Variants in VPS13B observed in about 807,000 individuals in gnomAD.
The protein encoded by VPS13B is intermembrane lipid transfer protein VPS13B.
Under a neutral mutation model 426.4 loss-of-function variants are expected in VPS13B, and 285 were observed. The observed-to-expected ratio is 0.67, with a 90% CI of 0.61 to 0.74. VPS13B has a LOEUF of 0.74. VPS13B is among the 30% of genes least tolerant of loss of function. VPS13B has a pLI of 0.00. For missense variants in VPS13B, 4,537 were observed against 4,782.6 expected, an observed-to-expected ratio of 0.95 and a Z score of 1.51; for synonymous variants, 1,676 against 1,676.4, an observed-to-expected ratio of 1.00 and a Z score of 0.01.
chr8:99,161,712 G>A (rs569877929), intron 15 of VPS13B, among the ~76,000 whole-genome samples: 1 of 150,588 alleles, frequency 6.6e-6, no homozygotes, highest in Admixed American at 6.6e-5. Flanking sequence ...ACCATTCCCT[G>A]GTGTTAAGTG....
chr8:99,596,811 G>A (rs1412972660), intron 33 of VPS13B, among the ~76,000 whole-genome samples: 1 of 152,058 alleles, frequency 6.6e-6, no homozygotes, highest in South Asian at 2.1e-4. Flanking sequence ...CATGTGCCCT[G>A]CTAAAAATTG....
chr8:99,044,432 T>TGTG (rs201119948), intron 3 of VPS13B, among the ~76,000 whole-genome samples: 4 of 132,502 alleles, frequency 3.0e-5, no homozygotes, highest in Non-Finnish European at 6.7e-5. Context: ...GTGTGTGTGT[T>TGTG]TTTTTAATTG....
intron 23 of VPS13B, among the ~76,000 whole-genome samples, chr8:99,450,581 C>T (rs1345609730): frequency 1.3e-5 from 2 of 152,066 alleles, no homozygotes; most frequent in Admixed American, 6.6e-5. Context: ...GGCATGGTGG[C>T]GTGCGCCTGT....
intron 40 of VPS13B, among the ~76,000 whole-genome samples, chr8:99,771,116 A>G (rs1341420351): frequency 6.6e-6 from 1 of 152,220 alleles, no homozygotes; most frequent in Non-Finnish European, 1.5e-5. Flanking sequence ...AAGTCACACA[A>G]ATTACAGACA....
intron 39 of VPS13B, among the ~76,000 whole-genome samples, chr8:99,742,321 A>C (rs1157695088): frequency 6.6e-6 from 1 of 152,234 alleles, no homozygotes; most frequent in East Asian, 1.9e-4. Flanking sequence ...TCTGAAATTG[A>C]GGCAATAATT....
At chr8:99,241,014 C>G (rs1404679370) in intron 17 of VPS13B, 1 of 152,202 alleles carries the variant, frequency 6.6e-6, no homozygotes, top group Admixed American at 6.6e-5. Flanking sequence ...ACAAAATTAC[C>G]CTGGCAGTGC....
intron 39 of VPS13B, among the ~76,000 whole-genome samples, chr8:99,751,321 CTTA>C (rs1810382904): frequency 6.6e-6 from 1 of 151,984 alleles, no homozygotes; most frequent in Admixed American, 6.6e-5. Flanking sequence ...AAATTACAGA[CTTA>C]TTATATGAGA....
intron 3 of VPS13B, among the ~76,000 whole-genome samples, chr8:99,078,367 T>G (rs1389995750): frequency 6.6e-6 from 1 of 151,896 alleles, no homozygotes; most frequent in Non-Finnish European, 1.5e-5. Flanking sequence ...GTAGGGTGCT[T>G]TGTCTTTGAT....
At chr8:99,869,450 C>T (rs150284439) in intron 59 of VPS13B, among the ~76,000 whole-genome samples, 201 of 152,230 alleles carry the variant, frequency 1.3e-3, no homozygotes, top group African/African-American at 4.0e-3. Flanking sequence ...GGCAGCCATC[C>T]GGAGAGCATC....
intron 17 of VPS13B, among the ~76,000 whole-genome samples, chr8:99,197,847 G>C (rs1814032061): frequency 6.6e-6 from 1 of 152,006 alleles, no homozygotes; most frequent in Non-Finnish European, 1.5e-5. Flanking sequence ...GGAACATGTT[G>C]TTTAATTTTC....
chr8:99,335,820 C>T (rs1386918589), intron 19 of VPS13B, among the ~76,000 whole-genome samples: 1 of 152,054 alleles, frequency 6.6e-6, no homozygotes, highest in African/African-American at 2.4e-5. Flanking sequence ...TCGTGAAGGA[C>T]CTCTTCAAGG....
rs757288169 is a variant in VPS13B at position 99,481,733 on chromosome 8, C to T, written c.3801C>T (p.Ser1267=). ...AGPVPTSPVR[S]SIGTAPPDTS... ...CTGTTCCTACTTCTCCAGTTAGAAG[C>T]AGTATAGGCACAGCTCCTCCAGATA... Residue 1267 remains serine, a synonymous_variant, in exon 25 of 62, where the codon AGC becomes AGT. Coordinates refer to ENST00000357162, the MANE Select transcript of VPS13B (RefSeq NM_152564.5). 5.0e-6 allele frequency: 8 copies of T among 1,613,954 alleles called. No homozygotes were observed. The highest frequency in any genetic ancestry group is 6.8e-6 in the Non-Finnish European group (8 of 1,179,880).
rs561487379 is a variant in VPS13B, at chr8:99,745,875, TAAC to T, written c.7051-20896_7051-20894del. Among the ~76,000 whole-genome samples the T allele has an allele frequency of 5.1e-3, 775 of 152,230 alleles. 5 individuals are homozygous for T. The highest frequency in any genetic ancestry group is 0.017 in the African/African-American group (718 of 41,556). ...CATATTATCAGAGCCAACAAAAAAT[TAAC>T]AATAATTCCTTAATATCATATTATA... On this transcript the variant is annotated intron_variant, in intron 39 of 61. Transcript: ENST00000357162.
At chr8:99,684,866 C>T (rs1034316755) in intron 35 of VPS13B, among the ~76,000 whole-genome samples, 2 of 152,170 alleles carry the variant, frequency 1.3e-5, no homozygotes, top group South Asian at 2.1e-4. Context: ...TGCAGTGGCA[C>T]GATCTTGGCT....
intron 34 of VPS13B, among the ~76,000 whole-genome samples, chr8:99,657,855 A>G (rs1037409299): frequency 6.6e-6 from 1 of 152,174 alleles, no homozygotes; most frequent in Admixed American, 6.5e-5. Context: ...ATAAACTTTC[A>G]TTGTCAGGCT....
At chr8:99,466,285 C>T (rs1485124268) in intron 23 of VPS13B, among the ~76,000 whole-genome samples, 1 of 151,998 alleles carries the variant, frequency 6.6e-6, no homozygotes, top group Non-Finnish European at 1.5e-5. Flanking sequence ...TTATATGTTT[C>T]CCAATTTATC....
At chr8:99,161,813 A>G (rs755405113) in intron 15 of VPS13B, among the ~76,000 whole-genome samples, 1 of 150,932 alleles carries the variant, frequency 6.6e-6, no homozygotes, top group Non-Finnish European at 1.5e-5. Flanking sequence ...GCTCATTGCA[A>G]TCTCCACTTC....
At chr8:99,192,836 C>G in intron 16 of VPS13B, 40 bp from the exon 17 acceptor site, 3 of 1,603,196 alleles carry the variant, frequency 1.9e-6, no homozygotes, top group Non-Finnish European at 2.6e-6. Flanking sequence ...TCTGTAAATG[C>G]TATTTACTGT....
intron 25 of VPS13B, among the ~76,000 whole-genome samples, chr8:99,499,302 A>T (rs1017354554): frequency 1.3e-5 from 2 of 152,192 alleles, no homozygotes; most frequent in African/African-American, 4.8e-5. Context: ...CTGAAACTGC[A>T]TGAGGAAGTA....
Sources: allele counts gnomAD v4.1 joint callset (sites outside exome capture counted in the v4.1 genomes callset), GRCh38; gene constraint gnomAD v4.1.1; transcripts MANE v1.5; gene names NCBI Gene and HGNC (gene_info 2026-07-23, HGNC 2026-07-21).